The following SPTSSB variants were observed in gnomAD, a reference collection of about 807,000 sequenced individuals.
The protein encoded by SPTSSB is androgen down regulated in mouse prostate.
SPTSSB carries 6 observed loss-of-function variants against 7.7 expected under a neutral mutation model. The ratio of observed to expected loss-of-function variants is 0.78; its 90% confidence interval spans 0.43 to 1.54. The LOEUF (loss-of-function observed/expected upper bound fraction) is 1.54. SPTSSB is among the 40% of genes most tolerant of loss of function. SPTSSB has a pLI of 0.01. For missense variants in SPTSSB, 91 were observed against 93.0 expected (o/e 0.98, Z 0.09); for synonymous variants, 28 against 29.7 (o/e 0.94, Z 0.19).
intron 2 of SPTSSB, among the ~76,000 whole-genome samples, chr3:161,359,076 A>G (rs146479579): frequency 9.3e-4 from 141 of 152,282 alleles, no homozygotes; most frequent in African/African-American, 3.2e-3. Context: ...TATAGATTGA[A>G]TAAAAGTGGA....
chr3:161,361,460 G>C (rs1224883807), intron 1 of SPTSSB, among the ~76,000 whole-genome samples: 1 of 152,086 alleles, frequency 6.6e-6, no homozygotes, highest in East Asian at 1.9e-4. Flanking sequence ...TATTTACTTT[G>C]TTAAAATGTT....
At chr3:161,362,709 C>T (rs527914863) in intron 1 of SPTSSB, among the ~76,000 whole-genome samples, 1 of 152,010 alleles carries the variant, frequency 6.6e-6, no homozygotes, top group East Asian at 1.9e-4. Flanking sequence ...TGTGAAATAA[C>T]TTATTTAAAG....
rs1467187097 is a variant in SPTSSB at position 161,345,646 on chromosome 3, T to C, written c.*447A>G. ...GGTCCATATAATTTATTCACATCTT[T>C]TTATACATCGTAAACAAGGATAGGA... On this transcript the variant is annotated 3_prime_UTR_variant, in exon 3 of 3. Transcript: ENST00000620149. 6.5e-6 allele frequency: 1 copy of C among 153,652 alleles called. No individual in the cohort carries two copies. Among genetic ancestry groups the C allele is most frequent in the African/African-American group, 2.4e-5 (1 of 41,454 alleles). The allele number at this position is 153,652 out of a possible 1,614,324, so 9.5% of individuals were successfully genotyped here.
intron 2 of SPTSSB, among the ~76,000 whole-genome samples, chr3:161,356,933 G>A (rs1714793037): frequency 6.6e-6 from 1 of 151,972 alleles, no homozygotes; most frequent in Admixed American, 6.6e-5. Context: ...ACTGAGCTGT[G>A]GTCATGCCAC....
chr3:161,346,041 GCT>G lies in SPTSSB; in HGVS notation c.*50_*51del. ...ACACAATAGTTACCTAAATCAATAA[GCT>G]GTAAGCAACATATAAATATGCAATG... is the stretch of plus-strand genomic sequence containing the variant. On this transcript the variant is annotated 3_prime_UTR_variant, in exon 3 of 3. Coordinates refer to ENST00000620149, the MANE Select transcript of SPTSSB (RefSeq NM_001040100.2). 1 of 942,044 alleles carries G rather than the reference GCT, an allele frequency of 1.1e-6. No homozygotes were observed. The highest frequency in any genetic ancestry group is 1.7e-6 in the Non-Finnish European group (1 of 583,026). 58.4% of individuals were successfully genotyped at this position (942,044 alleles called of 1,614,324 possible). A position where few individuals can be genotyped will look rare whatever the true frequency, so the allele number is the denominator to read the frequency against.
At chr3:161,366,370 C>A (rs1363123760) in intron 1 of SPTSSB, among the ~76,000 whole-genome samples, 1 of 152,036 alleles carries the variant, frequency 6.6e-6, no homozygotes, top group Non-Finnish European at 1.5e-5. Flanking sequence ...ACTTGGAAGG[C>A]CTTTGTGCTG....
At chr3:161,363,868 C>G (rs2108166754) in intron 1 of SPTSSB, among the ~76,000 whole-genome samples, 1 of 152,114 alleles carries the variant, frequency 6.6e-6, no homozygotes, top group Admixed American at 6.6e-5. Flanking sequence ...TTATTGGTCA[C>G]TGCTATAAGC....
At chr3:161,367,103 G>A (rs1250523124) in intron 1 of SPTSSB, among the ~76,000 whole-genome samples, 1 of 152,188 alleles carries the variant, frequency 6.6e-6, no homozygotes. Context: ...CTTGAACCTG[G>A]GAGGCGGAGG....
intron 1 of SPTSSB, among the ~76,000 whole-genome samples, chr3:161,367,577 C>A (rs887027767): frequency 2.6e-5 from 4 of 152,174 alleles, no homozygotes; most frequent in African/African-American, 9.7e-5. Context: ...CAGGATCAGG[C>A]AGCTTGTGGG....
chr3:161,369,005 T>A (rs932227507), intron 1 of SPTSSB, among the ~76,000 whole-genome samples: 1 of 152,242 alleles, frequency 6.6e-6, no homozygotes, highest in Non-Finnish European at 1.5e-5. Context: ...TTGGGTGTTA[T>A]GAGTAATGCC....
At chr3:161,366,785 T>A (rs1052268186) in intron 1 of SPTSSB, among the ~76,000 whole-genome samples, 10 of 152,336 alleles carry the variant, frequency 6.6e-5, no homozygotes, top group South Asian at 2.1e-4. Flanking sequence ...TTATCTTTTT[T>A]AAAATCTGTT....
chr3:161,359,726 T>C (rs1714930474), intron 2 of SPTSSB, 76 bp downstream of exon 2: 3 of 985,242 alleles, frequency 3.0e-6, no homozygotes, highest in Non-Finnish European at 3.6e-6. Context: ...CTAGATGTGT[T>C]AATGACGCCA....
intron 2 of SPTSSB, among the ~76,000 whole-genome samples, chr3:161,355,485 T>C (rs1168843111): frequency 6.6e-6 from 1 of 152,180 alleles, no homozygotes; most frequent in East Asian, 1.9e-4. Context: ...AAAAATAAGA[T>C]GTGGTGTATA....
chr3:161,360,910 CAAAT>C (rs1714984151), intron 1 of SPTSSB, among the ~76,000 whole-genome samples: 1 of 151,972 alleles, frequency 6.6e-6, no homozygotes, highest in South Asian at 2.1e-4. Context: ...ATATGACTGC[CAAAT>C]AAATAAATAA....
intron 2 of SPTSSB, among the ~76,000 whole-genome samples, chr3:161,358,004 A>C (rs1440456994): frequency 2.7e-5 from 4 of 150,702 alleles, no homozygotes; most frequent in Admixed American, 6.6e-5. Flanking sequence ...AAATGGTAGA[A>C]TCTTATAATG....
intron 1 of SPTSSB, 49 bp from the exon 2 acceptor site, chr3:161,359,943 T>C (rs1309637380): frequency 4.1e-6 from 1 of 243,686 alleles, no homozygotes; most frequent in Non-Finnish European, 6.6e-6. Flanking sequence ...GTCTTCAAAT[T>C]TTAAAACCAT....
chr3:161,346,963 G>A (rs1714270806), intron 2 of SPTSSB, among the ~76,000 whole-genome samples: 1 of 152,190 alleles, frequency 6.6e-6, no homozygotes, highest in Non-Finnish European at 1.5e-5. Context: ...AGTTGGATAA[G>A]TTAACTGTTT....
chr3:161,365,600 A>T (rs1007544463), intron 1 of SPTSSB, among the ~76,000 whole-genome samples: 1 of 152,264 alleles, frequency 6.6e-6, no homozygotes, highest in East Asian at 1.9e-4. Context: ...TGCCTACCAC[A>T]TAGTAGCTGC....
At chr3:161,353,647 A>T (rs1714642593) in intron 2 of SPTSSB, among the ~76,000 whole-genome samples, 1 of 152,182 alleles carries the variant, frequency 6.6e-6, no homozygotes, top group Admixed American at 6.5e-5. Context: ...ATTCACAGAG[A>T]TACAAAGACA....
Sources: allele counts gnomAD v4.1 joint callset (sites outside exome capture counted in the v4.1 genomes callset), GRCh38; gene constraint gnomAD v4.1.1; transcripts MANE v1.5; gene names NCBI Gene and HGNC (gene_info 2026-07-23, HGNC 2026-07-21).